Variants in PTPRR observed in about 807,000 individuals in gnomAD.
PTPRR encodes the protein protein tyrosine phosphatase receptor type R.
In PTPRR, 38 loss-of-function variants were observed where a neutral mutation model predicts 77.2. The ratio of observed to expected loss-of-function variants is 0.49; its 90% CI spans 0.38 to 0.65. PTPRR has a LOEUF of 0.65. Among genes scored for constraint, PTPRR ranks in the 30% least tolerant of loss-of-function variants. PTPRR has a pLI of 0.00. For synonymous variants in PTPRR, 299 were observed against 283.1 expected (o/e 1.06, Z -0.57); for missense variants, 744 against 799.2 (o/e 0.93, Z 0.83).
intron 2 of PTPRR, among the ~76,000 whole-genome samples, chr12:70,765,323 C>T (rs1452939815): frequency 1.3e-5 from 2 of 152,116 alleles, no homozygotes; most frequent in East Asian, 1.9e-4. Context: ...TGCGCTTTTC[C>T]GACGGGCTTA....
In PTPRR at chr12:70,901,118, A is replaced by G. The variant is rs373993958; in HGVS notation, c.59-8141T>C. ...CATGTTGGTATGCAAAAAGTTTTCTATTTTGGAGAATTTAGGGTTTTGAAT... is the reference window on the plus strand; with the variant it reads ...CATGTTGGTATGCAAAAAGTTTTCTGTTTTGGAGAATTTAGGGTTTTGAAT... On this transcript the variant is annotated intron_variant, in intron 1 of 13. Coordinates refer to ENST00000283228, the MANE Select transcript of PTPRR (RefSeq NM_002849.4). Among the ~76,000 whole-genome samples, 17 of 151,592 alleles carry G rather than the reference A, an allele frequency of 1.1e-4. No individual in the cohort carries two copies. The East Asian group carries it at 2.7e-3, about 24-fold the overall frequency.
chr12:70,765,497 A>G (rs1185092127), intron 2 of PTPRR, among the ~76,000 whole-genome samples: 1 of 152,150 alleles, frequency 6.6e-6, no homozygotes, highest in Non-Finnish European at 1.5e-5. Context: ...TAGGTAAACA[A>G]AGCAGCCGGG....
chr12:70,815,111 A>C (rs1033561530), intron 2 of PTPRR, among the ~76,000 whole-genome samples: 1 of 131,410 alleles, frequency 7.6e-6, no homozygotes, highest in Non-Finnish European at 1.6e-5. Flanking sequence ...AAGTCTGAAC[A>C]TTCTAAGGAG....
chr12:70,873,045 T>C (rs1428623493), intron 2 of PTPRR, among the ~76,000 whole-genome samples: 1 of 151,986 alleles, frequency 6.6e-6, no homozygotes, highest in Admixed American at 6.5e-5. Context: ...AAAAATGAAT[T>C]CAGATGATCC....
intron 13 of PTPRR, among the ~76,000 whole-genome samples, chr12:70,639,833 A>G (rs1301101399): frequency 6.6e-6 from 1 of 152,226 alleles, no homozygotes; most frequent in African/African-American, 2.4e-5. Context: ...CAAACCAAAC[A>G]AAACTCATCT....
At chr12:70,773,127 C>CTG (rs1891016205) in intron 2 of PTPRR, among the ~76,000 whole-genome samples, 1 of 152,132 alleles carries the variant, frequency 6.6e-6, no homozygotes. Flanking sequence ...CTCTGAGTGT[C>CTG]TGTGTCCAAA....
chr12:70,807,800 C>A (rs1772813315), intron 2 of PTPRR, among the ~76,000 whole-genome samples: 1 of 152,194 alleles, frequency 6.6e-6, no homozygotes, highest in African/African-American at 2.4e-5. Context: ...TTAATCCCAT[C>A]ATCTTCATAA....
At chr12:70,787,518 C>G (rs529457318) in intron 2 of PTPRR, among the ~76,000 whole-genome samples, 1 of 152,228 alleles carries the variant, frequency 6.6e-6, no homozygotes, top group Admixed American at 6.5e-5. Context: ...GGTTAGTCCT[C>G]CTCATATTAA....
intron 6 of PTPRR, among the ~76,000 whole-genome samples, chr12:70,723,124 C>A (rs530649687): frequency 6.6e-6 from 1 of 152,302 alleles, no homozygotes; most frequent in Admixed American, 6.5e-5. Context: ...GCATGAACAG[C>A]AAGCACAATC....
Position 70,748,268 on chromosome 12 carries a change from A to C in PTPRR, c.739-2182T>G, listed in dbSNP as rs190516310. 3.7e-3 allele frequency among the ~76,000 whole-genome samples: 557 copies of C among 152,306 alleles called. 1 individual carries two copies. The highest frequency in any genetic ancestry group is 0.01 in the Middle Eastern group (3 of 294). On this transcript the variant is annotated intron_variant, in intron 5 of 13. Coordinates refer to ENST00000283228, the MANE Select transcript of PTPRR (RefSeq NM_002849.4). ...CTAGAATCCAAGTTTTGTGACTTCC[A>C]GGTATGTGATCATTCAACTCTATTG...
intron 2 of PTPRR, among the ~76,000 whole-genome samples, chr12:70,766,514 T>A (rs1290417355): frequency 6.6e-6 from 1 of 151,882 alleles, no homozygotes; most frequent in Non-Finnish European, 1.5e-5. Flanking sequence ...TGGGACTATG[T>A]GAAAAGACCA....
chr12:70,721,879 C>T (rs1331150557), intron 6 of PTPRR, among the ~76,000 whole-genome samples: 1 of 152,114 alleles, frequency 6.6e-6, no homozygotes, highest in Non-Finnish European at 1.5e-5. Context: ...GTGAGGGCAG[C>T]AGACTCTCAA....
intron 6 of PTPRR, among the ~76,000 whole-genome samples, chr12:70,718,698 C>A (rs909352343): frequency 6.6e-6 from 1 of 151,990 alleles, no homozygotes; most frequent in Admixed American, 6.6e-5. Flanking sequence ...TGTATTCATG[C>A]TAAAAATAGT....
rs533663600 is a variant in PTPRR, at chr12:70,891,621, A to T, written c.357+1058T>A. 3.3e-5 allele frequency among the ~76,000 whole-genome samples: 5 copies of T among 152,242 alleles called. No individual in the cohort carries two copies. In the East Asian group the frequency reaches 9.7e-4, roughly 29 times the overall value. ...CTGGACATTTTCCAAGCAAAACAAG[A>T]GACTGTATTTCATTTGTCTCTGTTT... On this transcript the variant is annotated intron_variant, in intron 2 of 13. Transcript: ENST00000283228.
intron 6 of PTPRR, among the ~76,000 whole-genome samples, chr12:70,722,772 C>T (rs1365167595): frequency 6.6e-6 from 1 of 152,106 alleles, no homozygotes; most frequent in Non-Finnish European, 1.5e-5. Context: ...CCCTTCCTTG[C>T]CCCCTGTTTC....
intron 10 of PTPRR, among the ~76,000 whole-genome samples, chr12:70,681,257 C>G (rs1206550956): frequency 6.6e-6 from 1 of 152,136 alleles, no homozygotes; most frequent in Non-Finnish European, 1.5e-5. Context: ...AGGATGTACT[C>G]TAGTTGTGGC....
chr12:70,818,309 A>G (rs572821182), intron 2 of PTPRR, among the ~76,000 whole-genome samples: 3 of 152,036 alleles, frequency 2.0e-5, no homozygotes, highest in African/African-American at 7.2e-5. Flanking sequence ...CTCTCTCTCT[A>G]TCTATCATCT....
At chr12:70,854,329 A>G (rs1219656065) in intron 2 of PTPRR, among the ~76,000 whole-genome samples, 2 of 152,148 alleles carry the variant, frequency 1.3e-5, no homozygotes. Flanking sequence ...CAATGTACTA[A>G]TTTACATTTT....
At position 70,678,487 on chromosome 12, in the gene PTPRR, G is replaced by T. The variant is rs763216259; in HGVS notation, c.1497+5640C>A. On this transcript the variant is annotated intron_variant, in intron 10 of 13. Coordinates refer to ENST00000283228, the MANE Select transcript of PTPRR (RefSeq NM_002849.4). ...TTATCCAATTTGTTCGTGTAGTATTGTTCACCATAGTCTTTTATAATTCTT... is the reference window on the plus strand; with the variant it reads ...TTATCCAATTTGTTCGTGTAGTATTTTTCACCATAGTCTTTTATAATTCTT... 7.6e-4 allele frequency among the ~76,000 whole-genome samples: 116 copies of T among 151,900 alleles called. 1 individual carries two copies. The highest frequency in any genetic ancestry group is 1.2e-3 in the Non-Finnish European group (82 of 67,996).
Sources: gnomAD v4.1 joint callset for allele counts (sites outside exome capture counted in the v4.1 genomes callset) on GRCh38, gnomAD v4.1.1 for gene constraint, MANE v1.5 for transcripts, NCBI Gene and HGNC (gene_info 2026-07-23, HGNC 2026-07-21) for gene names.